HDAC9: variants seen among roughly 807,000 people sequenced by gnomAD.
HDAC9 encodes histone deacetylase 9, also known as MEF-2 interacting transcription repressor (MITR) protein.
A neutral mutation model predicts 139.4 loss-of-function variants in HDAC9; 41 were observed. The observed-to-expected ratio is 0.29, with a 90% CI of 0.23 to 0.38. The LOEUF (loss-of-function observed/expected upper bound fraction) is 0.38, where lower values mean the gene tolerates loss of function less well. HDAC9 is among the 10% of genes least tolerant of loss of function. The pLI is 1.00. For synonymous variants in HDAC9, 517 were observed against 476.2 expected, an observed-to-expected ratio of 1.09 and a Z score of -1.12; for missense variants, 1,147 against 1,297.0, an observed-to-expected ratio of 0.88 and a Z score of 1.78.
At chr7:18,559,617 G>C (rs79485501) in intron 2 of HDAC9, among the ~76,000 whole-genome samples, 4,862 of 152,028 alleles carry the variant, frequency 0.032, 278 homozygotes, top group African/African-American at 0.11. Flanking sequence ...CCTTTTATAC[G>C]TTGGAGTTTA....
At chr7:18,169,731 A>G (rs961669481) in intron 2 of HDAC9, among the ~76,000 whole-genome samples, 1 of 151,672 alleles carries the variant, frequency 6.6e-6, no homozygotes, top group African/African-American at 2.4e-5. Flanking sequence ...TGTCCTTGTG[A>G]TAGTTTGCTG....
chr7:18,527,365 T>G (rs1003305711), intron 2 of HDAC9, among the ~76,000 whole-genome samples: 1 of 152,156 alleles, frequency 6.6e-6, no homozygotes, highest in Non-Finnish European at 1.5e-5. Context: ...CTCCTTTTGC[T>G]ATATGGACTA....
chr7:18,562,268 C>G (rs1820856801), intron 2 of HDAC9, among the ~76,000 whole-genome samples: 1 of 152,058 alleles, frequency 6.6e-6, no homozygotes, highest in African/African-American at 2.4e-5. Context: ...TTCTTCCATT[C>G]TGTGGATTGA....
intron 1 of HDAC9, among the ~76,000 whole-genome samples, chr7:18,328,037 A>C (rs1467847031): frequency 6.6e-6 from 1 of 151,996 alleles, no homozygotes; most frequent in Non-Finnish European, 1.5e-5. Context: ...GGAAAACATC[A>C]GAGTGGAAAT....
At chr7:18,326,990 A>G (rs972487708) in intron 1 of HDAC9, among the ~76,000 whole-genome samples, 7 of 151,898 alleles carry the variant, frequency 4.6e-5, no homozygotes, top group Admixed American at 2.6e-4. Flanking sequence ...TGTAAAAGCA[A>G]TTAAGAGTTG....
At chr7:18,542,220 C>T (rs1162280013) in intron 2 of HDAC9, among the ~76,000 whole-genome samples, 1 of 152,172 alleles carries the variant, frequency 6.6e-6, no homozygotes, top group Non-Finnish European at 1.5e-5. Flanking sequence ...AACTCATTTT[C>T]CCCTTAGAGC....
chr7:18,192,933 T>G (rs1175514500), intron 2 of HDAC9, among the ~76,000 whole-genome samples: 1 of 152,212 alleles, frequency 6.6e-6, no homozygotes, highest in Non-Finnish European at 1.5e-5. Flanking sequence ...TTCTCCCATT[T>G]TACAGATGAG....
chr7:18,211,597 C>A (rs1425763606), intron 2 of HDAC9, among the ~76,000 whole-genome samples: 1 of 152,102 alleles, frequency 6.6e-6, no homozygotes, highest in African/African-American at 2.4e-5. Context: ...TGATGGCAAA[C>A]AAGAAGAAAA....
At chr7:18,562,379 G>A (rs558132611) in intron 2 of HDAC9, among the ~76,000 whole-genome samples, 1 of 152,146 alleles carries the variant, frequency 6.6e-6, no homozygotes, top group African/African-American at 2.4e-5. Flanking sequence ...ATAAACCATA[G>A]CTTAATCCAA....
At chr7:18,748,861 G>A (rs780715082) in intron 13 of HDAC9, 144 bp from the exon 14 acceptor site, 19 of 785,610 alleles carry the variant, frequency 2.4e-5, no homozygotes, top group Non-Finnish European at 3.4e-5. Flanking sequence ...ATGTGCTCCT[G>A]AGAATTTGCT....
At chr7:18,611,005 C>A (rs1404707515) in intron 6 of HDAC9, among the ~76,000 whole-genome samples, 1 of 152,104 alleles carries the variant, frequency 6.6e-6, no homozygotes, top group East Asian at 1.9e-4. Flanking sequence ...GCTAACAACA[C>A]AATAGAGTCA....
chr7:18,992,854 T>C (rs888392342), intron 25 of HDAC9, among the ~76,000 whole-genome samples: 1 of 152,238 alleles, frequency 6.6e-6, no homozygotes, highest in South Asian at 2.1e-4. Flanking sequence ...TGTCTTTCAA[T>C]TCGTTAAACC....
Position 18,521,164 on chromosome 7 carries a change from A to G in HDAC9, c.22+24840A>G, listed in dbSNP as rs1480886242. Among the ~76,000 whole-genome samples, 3 of 152,320 alleles carry G rather than the reference A, an allele frequency of 2.0e-5. No individual in the cohort carries two copies. The East Asian group carries it at 5.8e-4, about 29-fold the overall frequency. ...AAAGAACAGGCTTTTAAAATGTTTGATATCTCCAGTAATGGAGAAAAATCA... is the reference window on the plus strand; with the variant it reads ...AAAGAACAGGCTTTTAAAATGTTTGGTATCTCCAGTAATGGAGAAAAATCA... On this transcript the variant is annotated intron_variant, in intron 2 of 25. Transcript: ENST00000686413.
intron 1 of HDAC9, among the ~76,000 whole-genome samples, chr7:18,311,600 A>G (rs139238160): frequency 6.6e-6 from 1 of 152,292 alleles, no homozygotes; most frequent in African/African-American, 2.4e-5. Flanking sequence ...AATGAGTGGC[A>G]AATCCGCAGT....
chr7:18,897,674 A>G (rs1392031133), intron 22 of HDAC9, among the ~76,000 whole-genome samples: 1 of 151,900 alleles, frequency 6.6e-6, no homozygotes, highest in East Asian at 1.9e-4. Context: ...TCTCTACATA[A>G]TATTTTAAGA....
chr7:18,400,449 T>C (rs1373018157), intron 1 of HDAC9, among the ~76,000 whole-genome samples: 1 of 152,156 alleles, frequency 6.6e-6, no homozygotes, highest in Admixed American at 6.5e-5. Context: ...CAGACAAGCA[T>C]GTTGCTGTAG....
At chr7:18,738,356 A>G (rs541027138) in intron 13 of HDAC9, among the ~76,000 whole-genome samples, 28 of 152,294 alleles carry the variant, frequency 1.8e-4, no homozygotes, top group Admixed American at 1.1e-3. Flanking sequence ...TCATAGCATC[A>G]ATGGTCTTTA....
rs116662681 is a variant in HDAC9, at chr7:18,196,665, G to A, written c.25+34316G>A. On this transcript the variant is annotated intron_variant, in intron 2 of 12. Coordinates refer to the HDAC9 transcript ENST00000417496. ...AGAGTAAGGTGTCATTATAAGTTAA[G>A]GAGTAGAACAGGGATGGTAAGATAA... Among the ~76,000 whole-genome samples the A allele has an allele frequency of 4.3e-3, 650 of 152,218 alleles. 5 individuals are homozygous for A. Among genetic ancestry groups the A allele is most frequent in the African/African-American group, 0.015 (615 of 41,550 alleles).
intron 12 of HDAC9, among the ~76,000 whole-genome samples, chr7:18,687,258 G>A (rs572271872): frequency 1.3e-5 from 2 of 151,770 alleles, no homozygotes; most frequent in Non-Finnish European, 2.9e-5. Flanking sequence ...ACATAAGCTA[G>A]TAAATAGTAC....
Sources: gnomAD v4.1 joint callset for allele counts (sites outside exome capture counted in the v4.1 genomes callset) on GRCh38, gnomAD v4.1.1 for gene constraint, MANE v1.5 for transcripts, NCBI Gene and HGNC (gene_info 2026-07-23, HGNC 2026-07-21) for gene names.